The following CAP2 variants were observed in gnomAD, a reference collection of about 807,000 sequenced individuals.
CAP2 encodes cyclase associated actin cytoskeleton regulatory protein 2.
Under a neutral mutation model 57.7 loss-of-function variants are expected in CAP2, and 24 were observed. That is an observed-to-expected ratio of 0.42 (90% CI 0.30 to 0.58). The LOEUF (loss-of-function observed/expected upper bound fraction) is 0.58. CAP2 is among the 20% of genes least tolerant of loss of function. The pLI, the probability that CAP2 is intolerant of heterozygous loss-of-function variation, is 0.22. For missense variants in CAP2, 501 were observed against 590.3 expected (o/e 0.85, Z 1.57); for synonymous variants, 194 against 207.2 (o/e 0.94, Z 0.55).
At chr6:17,504,568 A>G (rs1192611898) in intron 4 of CAP2, among the ~76,000 whole-genome samples, 1 of 152,158 alleles carries the variant, frequency 6.6e-6, no homozygotes, top group Non-Finnish European at 1.5e-5. Flanking sequence ...AGCTCCACTA[A>G]TCATTGCTAG....
intron 4 of CAP2, chr6:17,493,339 T>TA (rs1376270060): frequency 3.0e-6 from 1 of 334,566 alleles, no homozygotes; most frequent in Non-Finnish European, 6.2e-6. Flanking sequence ...TAAGATATGA[T>TA]AGAGATGAAA....
At chr6:17,450,727 T>G (rs147099082) in intron 3 of CAP2, among the ~76,000 whole-genome samples, 45 of 152,346 alleles carry the variant, frequency 3.0e-4, no homozygotes, top group African/African-American at 1.1e-3. Context: ...CCTTCCCAGA[T>G]TGCAAAACTA....
chr6:17,439,093 A>G (rs1345936371), intron 3 of CAP2, among the ~76,000 whole-genome samples: 1 of 151,248 alleles, frequency 6.6e-6, no homozygotes, highest in Non-Finnish European at 1.5e-5. Context: ...CCTGGGCTAC[A>G]GAGCGAGACT....
chr6:17,433,890 C>G (rs1164066456), intron 3 of CAP2, among the ~76,000 whole-genome samples: 4 of 152,216 alleles, frequency 2.6e-5, no homozygotes, highest in Non-Finnish European at 5.9e-5. Context: ...CAATCCTCAT[C>G]TATCTCACTA....
At chr6:17,532,134 C>CTT (rs35428314) in intron 7 of CAP2, among the ~76,000 whole-genome samples, 904 of 85,708 alleles carry the variant, frequency 0.011, 1 homozygote, top group Non-Finnish European at 0.012. Context: ...GTTTGAAAAT[C>CTT]TTTTTTTTTT....
rs554603657 is a variant in CAP2, at chr6:17,506,658, G to C, written c.301-511G>C. Among the ~76,000 whole-genome samples the C allele has an allele frequency of 3.3e-5, 5 of 152,074 alleles. No homozygotes were observed. The East Asian group carries it at 9.7e-4, about 29-fold the overall frequency. On this transcript the variant is annotated intron_variant, in intron 4 of 12. Transcript: ENST00000229922. The stretch of plus-strand genomic sequence containing the variant: ...ATCTCAAAAAAAAAAAAGGGTTGCG[G>C]GGGAGGCCTCAGTGAAAGATTTCCA...
chr6:17,478,188 G>A (rs946348347), intron 4 of CAP2, among the ~76,000 whole-genome samples: 5 of 151,132 alleles, frequency 3.3e-5, no homozygotes, highest in Non-Finnish European at 7.4e-5. Context: ...AAGCTGGAGT[G>A]CAGTAGCGTG....
intron 9 of CAP2, 138 bp from the exon 10 acceptor site, chr6:17,542,699 G>T: frequency 2.8e-6 from 2 of 705,696 alleles, no homozygotes; most frequent in Non-Finnish European, 4.8e-6. Context: ...AAGACCTGTG[G>T]TTTCATCTAT....
intron 3 of CAP2, among the ~76,000 whole-genome samples, chr6:17,452,184 T>C (rs1198648605): frequency 6.6e-6 from 1 of 152,238 alleles, no homozygotes; most frequent in Admixed American, 6.5e-5. Context: ...TGCCGACTAA[T>C]GATGGGACCA....
intron 1 of CAP2, among the ~76,000 whole-genome samples, chr6:17,406,685 C>T (rs1286454176): frequency 6.6e-6 from 1 of 152,086 alleles, no homozygotes; most frequent in Non-Finnish European, 1.5e-5. Context: ...AGCAACCTCG[C>T]CCTGCCCAGG....
intron 7 of CAP2, among the ~76,000 whole-genome samples, chr6:17,533,998 G>A (rs1301230062): frequency 6.6e-6 from 1 of 152,140 alleles, no homozygotes; most frequent in African/African-American, 2.4e-5. Flanking sequence ...TTTTAAAAAA[G>A]CATTTGTGTA....
intron 1 of CAP2, among the ~76,000 whole-genome samples, chr6:17,406,362 C>G (rs1758968099): frequency 6.7e-6 from 1 of 148,944 alleles, no homozygotes; most frequent in Non-Finnish European, 1.5e-5. Flanking sequence ...ACAAGGTCCC[C>G]TGTTCCCCTA....
intron 4 of CAP2, among the ~76,000 whole-genome samples, chr6:17,499,342 T>A (rs1691422850): frequency 7.4e-6 from 1 of 135,080 alleles, no homozygotes; most frequent in Admixed American, 8.7e-5. Flanking sequence ...GACGTTGCAG[T>A]GAGCTGAGAT....
chr6:17,506,177 G>A (rs1186350823), intron 4 of CAP2, among the ~76,000 whole-genome samples: 1 of 152,124 alleles, frequency 6.6e-6, no homozygotes, highest in Non-Finnish European at 1.5e-5. Flanking sequence ...GGAATTACAG[G>A]TATGAGCCAC....
intron 7 of CAP2, among the ~76,000 whole-genome samples, chr6:17,519,174 T>C (rs1364236530): frequency 2.6e-5 from 4 of 152,164 alleles, no homozygotes; most frequent in Non-Finnish European, 4.4e-5. Flanking sequence ...TACAAAATCA[T>C]CCTTCCCTGA....
At chr6:17,531,646 CA>C in intron 7 of CAP2, 1 of 1,107,676 alleles carries the variant, frequency 9.0e-7, no homozygotes, top group East Asian at 2.3e-5. Context: ...TGGTTCCAGC[CA>C]GAAAAAGAGT....
rs562032390 is a variant in CAP2 at position 17,414,111 on chromosome 6, C to T, written c.-1-7444C>T. 5.3e-5 allele frequency among the ~76,000 whole-genome samples: 8 copies of T among 151,528 alleles called. No homozygotes were observed. In the South Asian group the frequency reaches 8.3e-4, roughly 16 times the overall value. On this transcript the variant is annotated intron_variant, in intron 1 of 12. Coordinates refer to ENST00000229922, the MANE Select transcript of CAP2 (RefSeq NM_006366.3). Reference sequence around the variant, plus strand: ...ACAGTCTGATTTGATGGTAGTTTACCAAATATTTTAAATTTTGATGGACTT... The same window carrying T: ...ACAGTCTGATTTGATGGTAGTTTACTAAATATTTTAAATTTTGATGGACTT...
At chr6:17,510,549 T>C (rs141472090) in intron 6 of CAP2, among the ~76,000 whole-genome samples, 1 of 152,194 alleles carries the variant, frequency 6.6e-6, no homozygotes, top group Non-Finnish European at 1.5e-5. Flanking sequence ...ACTTTTTGCA[T>C]CAAGGCAATT....
At chr6:17,456,566 T>C (rs1271085010) in intron 3 of CAP2, among the ~76,000 whole-genome samples, 1 of 152,160 alleles carries the variant, frequency 6.6e-6, no homozygotes, top group Non-Finnish European at 1.5e-5. Flanking sequence ...ACAGTGTCTC[T>C]AATTATGAAA....
Sources: gnomAD v4.1 joint callset for allele counts (sites outside exome capture counted in the v4.1 genomes callset) on GRCh38, gnomAD v4.1.1 for gene constraint, MANE v1.5 for transcripts, NCBI Gene and HGNC (gene_info 2026-07-23, HGNC 2026-07-21) for gene names.